IL1RAP: variants seen among roughly 807,000 people sequenced by gnomAD.
IL1RAP encodes interleukin-1 receptor accessory protein.
IL1RAP carries 35 observed loss-of-function variants against 60.7 expected under a neutral mutation model. The ratio of observed to expected loss-of-function variants is 0.58; its 90% CI spans 0.44 to 0.76. The LOEUF is 0.76. Ranked by LOEUF, IL1RAP falls within the 30% of genes least tolerant of loss-of-function variation. The pLI is 0.00. For synonymous variants in IL1RAP, 268 were observed against 250.9 expected, an observed-to-expected ratio of 1.07 and a Z score of -0.64; for missense variants, 572 against 693.9, an observed-to-expected ratio of 0.82 and a Z score of 1.97.
chr3:190,647,962 G>A (rs1314115377), intron 11 of IL1RAP, among the ~76,000 whole-genome samples: 2 of 152,146 alleles, frequency 1.3e-5, no homozygotes, highest in Non-Finnish European at 2.9e-5. Context: ...AAGGGCTCAT[G>A]AGCTGACGTG....
intron 1 of IL1RAP, among the ~76,000 whole-genome samples, chr3:190,551,193 C>A (rs181809288): frequency 1.2e-3 from 177 of 152,162 alleles, no homozygotes; most frequent in Non-Finnish European, 1.8e-3. Context: ...ACTGTGTAGA[C>A]AAGAGTATGA....
Position 190,649,404 on chromosome 3 carries a change from A to G in IL1RAP, c.*699A>G, listed in dbSNP as rs41392044. On this transcript the variant is annotated 3_prime_UTR_variant, in exon 12 of 12. Coordinates refer to ENST00000447382, the MANE Select transcript of IL1RAP (RefSeq NM_002182.4). Reference sequence around the variant, plus strand: ...TGCTCCAGTCAATTCCTGATTATCCACAGGTCAACCCACATTTTTTCATTC... The same window carrying G: ...TGCTCCAGTCAATTCCTGATTATCCGCAGGTCAACCCACATTTTTTCATTC... 4.7e-3 allele frequency: 4,642 copies of G among 985,754 alleles called. 114 individuals carry two copies. The East Asian group carries it at 0.065, about 14-fold the overall frequency. 61.1% of individuals were successfully genotyped at this position (985,754 alleles called of 1,614,324 possible).
chr3:190,528,878 T>G (rs1722731657), intron 1 of IL1RAP, among the ~76,000 whole-genome samples: 1 of 152,106 alleles, frequency 6.6e-6, no homozygotes, highest in African/African-American at 2.4e-5. Flanking sequence ...GTAAATGAAT[T>G]ATGGTCTGAC....
intron 9 of IL1RAP, among the ~76,000 whole-genome samples, chr3:190,643,338 G>T (rs1322141199): frequency 6.6e-6 from 1 of 152,056 alleles, no homozygotes; most frequent in Non-Finnish European, 1.5e-5. Flanking sequence ...ATGAGAAACG[G>T]GCATCATATT....
At chr3:190,642,607 T>A (rs1054671909) in intron 9 of IL1RAP, 3 of 152,188 alleles carry the variant, frequency 2.0e-5, no homozygotes, top group Non-Finnish European at 2.9e-5. Context: ...CTCACCACCT[T>A]ATGCAGTACA....
chr3:190,536,209 T>G lies in IL1RAP; in HGVS notation c.-88-19921T>G, dbSNP rs188016925. On this transcript the variant is annotated intron_variant, in intron 1 of 11. Coordinates refer to ENST00000447382, the MANE Select transcript of IL1RAP (RefSeq NM_002182.4). ...TCCTTCATGCAAGTTTGTGACTTCT[T>G]CTCTGCCTAGGCATAAGGACTCAGA... 1.9e-3 allele frequency among the ~76,000 whole-genome samples: 291 copies of G among 152,320 alleles called. 3 individuals are homozygous for G. The highest frequency in any genetic ancestry group is 6.5e-3 in the African/African-American group (272 of 41,574).
At chr3:190,626,664 CTTTTTTT>C (rs766018376) in intron 7 of IL1RAP, among the ~76,000 whole-genome samples, 3 of 99,988 alleles carry the variant, frequency 3.0e-5, no homozygotes, top group African/African-American at 8.7e-5. Context: ...TGTCAGAGAC[CTTTTTTT>C]TTTTTTTTTT....
intron 5 of IL1RAP, among the ~76,000 whole-genome samples, chr3:190,615,078 G>C (rs1731151427): frequency 6.7e-6 from 1 of 149,886 alleles, no homozygotes; most frequent in African/African-American, 2.5e-5. Flanking sequence ...TTTTCTGCAT[G>C]GCGGAAAAAA....
chr3:190,615,464 T>A (rs1731187392), intron 5 of IL1RAP: 1 of 361,090 alleles, frequency 2.8e-6, no homozygotes. Flanking sequence ...CCTTATAGTT[T>A]GATATTTAAA....
intron 3 of IL1RAP, among the ~76,000 whole-genome samples, chr3:190,599,745 T>C (rs903224984): frequency 3.3e-5 from 5 of 151,158 alleles, no homozygotes; most frequent in African/African-American, 1.2e-4. Context: ...AGTTCTCTTA[T>C]TGAGTGATTG....
intron 2 of IL1RAP, 62 bp from the exon 3 acceptor site, chr3:190,564,227 T>C (rs1330379169): frequency 2.0e-6 from 2 of 1,014,356 alleles, no homozygotes; most frequent in Admixed American, 1.7e-5. Flanking sequence ...ATGCTAGTTA[T>C]TATTATTTAA....
chr3:190,644,548 TAGAAATCTTTCCGA>T, intron 10 of IL1RAP, 151 bp downstream of exon 10: 1 of 641,430 alleles, frequency 1.6e-6, no homozygotes, highest in Non-Finnish European at 2.6e-6. Flanking sequence ...CCGTTGCTAT[TAGAAATCTTTCCGA>T]AGATTATTAT....
chr3:190,615,117 T>C (rs1396491420), intron 5 of IL1RAP, among the ~76,000 whole-genome samples: 1 of 152,090 alleles, frequency 6.6e-6, no homozygotes, highest in African/African-American at 2.4e-5. Context: ...AATTCTCTAA[T>C]TCAACATTAG....
In IL1RAP at chr3:190,557,085, A is replaced by AC. The variant is rs1725491828; in HGVS notation, c.-2+870dup. Among the ~76,000 whole-genome samples the AC allele has an allele frequency of 3.3e-5, 5 of 152,326 alleles. No homozygotes were observed. In the South Asian group the frequency reaches 1.0e-3, roughly 32 times the overall value. On this transcript the variant is annotated intron_variant, in intron 2 of 11. Transcript: ENST00000447382. ...TTAGAAGGATCCATGAACCCCTAGC[A>AC]CATCAGTCTTGAATTAACCATCAAG...
chr3:190,586,141 A>T (rs926611181), intron 3 of IL1RAP, among the ~76,000 whole-genome samples: 1 of 152,196 alleles, frequency 6.6e-6, no homozygotes, highest in Non-Finnish European at 1.5e-5. Flanking sequence ...TGAAGTCCGA[A>T]TTAAAAGTGC....
At chr3:190,591,685 G>T (rs1279591940) in intron 3 of IL1RAP, among the ~76,000 whole-genome samples, 1 of 152,030 alleles carries the variant, frequency 6.6e-6, no homozygotes, top group East Asian at 1.9e-4. Flanking sequence ...GCACTCACAG[G>T]ATCCTGAATA....
intron 3 of IL1RAP, among the ~76,000 whole-genome samples, chr3:190,578,208 GA>G (rs1234109174): frequency 6.6e-6 from 1 of 152,132 alleles, no homozygotes; most frequent in Non-Finnish European, 1.5e-5. Context: ...ATTCAAAAAT[GA>G]AATTACTTAT....
intron 11 of IL1RAP, among the ~76,000 whole-genome samples, chr3:190,646,759 T>C (rs566279557): frequency 2.0e-5 from 3 of 152,316 alleles, no homozygotes; most frequent in African/African-American, 7.2e-5. Context: ...TTTTTAAATA[T>C]TGCATGGATA....
At chr3:190,532,408 G>T (rs111921579) in intron 1 of IL1RAP, among the ~76,000 whole-genome samples, 2 of 151,778 alleles carry the variant, frequency 1.3e-5, no homozygotes, top group Non-Finnish European at 2.9e-5. Context: ...GACTACAGGT[G>T]CCCGCCACCA....
Sources: allele counts gnomAD v4.1 joint callset (sites outside exome capture counted in the v4.1 genomes callset), GRCh38; gene constraint gnomAD v4.1.1; transcripts MANE v1.5; gene names NCBI Gene and HGNC (gene_info 2026-07-23, HGNC 2026-07-21).